AGPAT4: variants seen among roughly 807,000 people sequenced by gnomAD.
AGPAT4 encodes the protein 1-acyl-sn-glycerol-3-phosphate acyltransferase delta.
Under a neutral mutation model 48.0 loss-of-function variants are expected in AGPAT4, and 15 were observed. That is an observed-to-expected ratio of 0.31 (90% confidence interval 0.21 to 0.48). AGPAT4 has a LOEUF of 0.48. AGPAT4 is among the 20% of genes least tolerant of loss of function. The probability of loss-of-function intolerance (pLI) is 0.99; values close to 1 mark genes in which losing one functional copy is unlikely to be tolerated. For synonymous variants in AGPAT4, 178 were observed against 198.7 expected (o/e 0.90, Z 0.88); for missense variants, 314 against 482.5 (o/e 0.65, Z 3.27).
At position 161,246,269 on chromosome 6, in the gene AGPAT4, G is replaced by A. The variant is rs896604863; in HGVS notation, c.-89-13967C>T. On this transcript the variant is annotated intron_variant, in intron 1 of 8. Coordinates refer to ENST00000320285, the MANE Select transcript of AGPAT4 (RefSeq NM_020133.3). The surrounding 1 kb of genome is among the most constrained non-coding windows in gnomAD (Gnocchi z 5.5). ...GTTTAATTCACGCATACATTCATTC[G>A]TCCACTGAGAAGTATATTCATTCAT... Among the ~76,000 whole-genome samples the A allele has an allele frequency of 2.0e-5, 3 of 152,066 alleles. No homozygotes were observed. Among genetic ancestry groups the A allele is most frequent in the Non-Finnish European group, 2.9e-5 (2 of 68,024 alleles).
At chr6:161,136,720 G>T in intron 8 of AGPAT4, 86 bp from the exon 9 acceptor site, 1 of 1,186,642 alleles carries the variant, frequency 8.4e-7, no homozygotes, top group Non-Finnish European at 1.2e-6. Flanking sequence ...AAGGCCCGTG[G>T]CCGCAAATCA....
rs898372605 is a variant in AGPAT4, at chr6:161,165,760, T to G, written c.348+488A>C. The G allele has an allele frequency of 7.0e-6, 5 of 715,136 alleles. No individual in the cohort carries two copies. The highest frequency in any genetic ancestry group is 1.8e-5 in the African/African-American group (1 of 55,650). The allele number at this position is 715,136 out of a possible 1,614,324, so 44.3% of individuals were successfully genotyped here. ...CAGAATTTCAGAATAATTCTGAATT[T>G]TGCAGTTCACTCTCTCACTTATGGA... On this transcript the variant is annotated intron_variant, in intron 3 of 8. Coordinates refer to ENST00000320285, the MANE Select transcript of AGPAT4 (RefSeq NM_020133.3). This position sits in a 1 kb window ranked among gnomAD's most constrained non-coding sequence, Gnocchi z 5.5.
chr6:161,232,231 A>G lies in AGPAT4; in HGVS notation c.-18T>C. The G allele has an allele frequency of 6.2e-7, 1 of 1,607,784 alleles. No individual in the cohort carries two copies. The highest frequency in any genetic ancestry group is 8.5e-7 in the Non-Finnish European group (1 of 1,176,396). Reference sequence around the variant, plus strand: ...AGGTCCATGATGCGTGGACGCTCTTATTCAGAAATAAATAACTACCCACAG... The same window carrying G: ...AGGTCCATGATGCGTGGACGCTCTTGTTCAGAAATAAATAACTACCCACAG... On this transcript the variant is annotated 5_prime_UTR_variant, in exon 2 of 9. Transcript: ENST00000320285. This position sits in a 1 kb window ranked among gnomAD's most constrained non-coding sequence, Gnocchi z 6.8.
chr6:161,264,544 C>T lies in AGPAT4; in HGVS notation c.-90+9394G>A, dbSNP rs1225132763. On this transcript the variant is annotated intron_variant, in intron 1 of 8. Coordinates refer to ENST00000320285, the MANE Select transcript of AGPAT4 (RefSeq NM_020133.3). The surrounding 1 kb of genome is among the most constrained non-coding windows in gnomAD (Gnocchi z 6.8). ...ACTGGGCAGGGGTGGTGAGGTGGTC[C>T]CCCTGGCGTGCCCGCGCATCCCTGC... is the stretch of plus-strand genomic sequence containing the variant. 6.6e-6 allele frequency among the ~76,000 whole-genome samples: 1 copy of T among 152,178 alleles called. No homozygotes were observed. Among genetic ancestry groups the T allele is most frequent in the African/African-American group, 2.4e-5 (1 of 41,442 alleles).
In AGPAT4 at chr6:161,196,603, T is replaced by C. The variant is rs1326596107; in HGVS notation, c.179-30186A>G. 1.3e-5 allele frequency among the ~76,000 whole-genome samples: 2 copies of C among 151,666 alleles called. No individual in the cohort carries two copies. The highest frequency in any genetic ancestry group is 4.8e-5 in the African/African-American group (2 of 41,270). Reference sequence around the variant, plus strand: ...CAGGCGGATCACTTGAGGTCAAGAGTTCGAGACCAGCCTGGCCAACATGGT... The same window carrying C: ...CAGGCGGATCACTTGAGGTCAAGAGCTCGAGACCAGCCTGGCCAACATGGT... On this transcript the variant is annotated intron_variant, in intron 2 of 8. Transcript: ENST00000320285. This position sits in a 1 kb window ranked among gnomAD's most constrained non-coding sequence, Gnocchi z 4.3.
In AGPAT4 at chr6:161,195,577, A is replaced by G. The variant is rs1336162751; in HGVS notation, c.179-29160T>C. ...CACTCAGCAAGCCCATGATGCCTGT[A>G]GTATAAAAGCAAATGTTGCAGAACT... is the stretch of plus-strand genomic sequence containing the variant. On this transcript the variant is annotated intron_variant, in intron 2 of 8. Coordinates refer to ENST00000320285, the MANE Select transcript of AGPAT4 (RefSeq NM_020133.3). The surrounding 1 kb of genome is among the most constrained non-coding windows in gnomAD (Gnocchi z 5.0). 2.0e-5 allele frequency among the ~76,000 whole-genome samples: 3 copies of G among 152,228 alleles called. No homozygotes were observed. The highest frequency in any genetic ancestry group is 7.2e-5 in the African/African-American group (3 of 41,464).
Position 161,255,201 on chromosome 6 carries a change from C to T in AGPAT4, c.-90+18737G>A, listed in dbSNP as rs531606864. Among the ~76,000 whole-genome samples, 16 of 152,284 alleles carry T rather than the reference C, an allele frequency of 1.1e-4. No homozygotes were observed. In the South Asian group the frequency reaches 2.3e-3, roughly 22 times the overall value. On this transcript the variant is annotated intron_variant, in intron 1 of 8. Coordinates refer to ENST00000320285, the MANE Select transcript of AGPAT4 (RefSeq NM_020133.3). This position sits in a 1 kb window ranked among gnomAD's most constrained non-coding sequence, Gnocchi z 4.7. ...CATTAGCTCTATGATAATGGCTTGA[C>T]GTAGGTCCAAAGAGCAAAGGAACTT...
chr6:161,181,267 T>C (rs1384964751), intron 2 of AGPAT4, among the ~76,000 whole-genome samples: 3 of 152,126 alleles, frequency 2.0e-5, no homozygotes, highest in East Asian at 3.9e-4. Flanking sequence ...CAGTCTGGGA[T>C]TGCTGAGGGA....
In AGPAT4 at chr6:161,216,224, G is replaced by A. The variant is rs1019750414; in HGVS notation, c.178+15812C>T. On this transcript the variant is annotated intron_variant, in intron 2 of 8. Transcript: ENST00000320285. The surrounding 1 kb of genome is among the most constrained non-coding windows in gnomAD (Gnocchi z 4.8). ...AGGGTTCTGAACCCACGTTGGGGTT[G>A]GGTGGGAATAACTCAATGGATGACT... Among the ~76,000 whole-genome samples the A allele has an allele frequency of 6.6e-6, 1 of 152,160 alleles. No homozygotes were observed. Among genetic ancestry groups the A allele is most frequent in the African/African-American group, 2.4e-5 (1 of 41,442 alleles).
Position 161,244,336 on chromosome 6 carries a change from A to G in AGPAT4, c.-89-12034T>C, listed in dbSNP as rs1305470203. 6.6e-6 allele frequency among the ~76,000 whole-genome samples: 1 copy of G among 152,238 alleles called. No individual in the cohort carries two copies. Among genetic ancestry groups the G allele is most frequent in the Non-Finnish European group, 1.5e-5 (1 of 68,038 alleles). On this transcript the variant is annotated intron_variant, in intron 1 of 8. Transcript: ENST00000320285. The surrounding 1 kb of genome is among the most constrained non-coding windows in gnomAD (Gnocchi z 4.7). ...CACGTTCCTACATCACCAGCAAATCATGGCACCAAAGAAGACTTTTTAATA... is the reference window on the plus strand; with the variant it reads ...CACGTTCCTACATCACCAGCAAATCGTGGCACCAAAGAAGACTTTTTAATA...
At position 161,201,520 on chromosome 6, in the gene AGPAT4, T is replaced by C. The variant is rs2115010366; in HGVS notation, c.178+30516A>G. On this transcript the variant is annotated intron_variant, in intron 2 of 8. Transcript: ENST00000320285. The surrounding 1 kb of genome is among the most constrained non-coding windows in gnomAD (Gnocchi z 6.0). ...GGCTGTCATCCAAATTTCCCCACCA[T>C]GAGCTCTATCTGCGATGTCCCAGGA... Among the ~76,000 whole-genome samples, 1 of 152,358 alleles carries C rather than the reference T, an allele frequency of 6.6e-6. No homozygotes were observed. Among genetic ancestry groups the C allele is most frequent in the Non-Finnish European group, 1.5e-5 (1 of 68,036 alleles).
At chr6:161,203,712 A>G (rs1225441360) in intron 2 of AGPAT4, among the ~76,000 whole-genome samples, 1 of 152,060 alleles carries the variant, frequency 6.6e-6, no homozygotes, top group Admixed American at 6.6e-5. Flanking sequence ...CTGGGATTAC[A>G]GGTGTGAGCC....
chr6:161,178,370 G>A lies in AGPAT4; in HGVS notation c.179-11953C>T, dbSNP rs1780486011. On this transcript the variant is annotated intron_variant, in intron 2 of 8. Coordinates refer to ENST00000320285, the MANE Select transcript of AGPAT4 (RefSeq NM_020133.3). This position sits in a 1 kb window ranked among gnomAD's most constrained non-coding sequence, Gnocchi z 5.1. ...CCCCGAACCTCGCTGCCGCCTTGCA[G>A]TTCGATCAGACTTCTGTGCTAGCAA... 1.3e-5 allele frequency among the ~76,000 whole-genome samples: 2 copies of A among 152,240 alleles called. No individual in the cohort carries two copies. The highest frequency in any genetic ancestry group is 1.3e-4 in the Admixed American group (2 of 15,286).
chr6:161,262,874 G>A lies in AGPAT4; in HGVS notation c.-90+11064C>T, dbSNP rs1325453320. Among the ~76,000 whole-genome samples the A allele has an allele frequency of 1.3e-5, 2 of 152,120 alleles. No homozygotes were observed. Among genetic ancestry groups the A allele is most frequent in the Non-Finnish European group, 2.9e-5 (2 of 68,024 alleles). The stretch of plus-strand genomic sequence containing the variant: ...AACAGTGCTGATGAAAGATGCCAGC[G>A]AGCCGTGAGAGCTGAGGTGGCCAGT... On this transcript the variant is annotated intron_variant, in intron 1 of 8. Coordinates refer to ENST00000320285, the MANE Select transcript of AGPAT4 (RefSeq NM_020133.3). This position sits in a 1 kb window ranked among gnomAD's most constrained non-coding sequence, Gnocchi z 4.9.
intron 2 of AGPAT4, among the ~76,000 whole-genome samples, chr6:161,173,078 A>C (rs1401820907): frequency 1.3e-5 from 2 of 152,206 alleles, no homozygotes; most frequent in Non-Finnish European, 2.9e-5. Flanking sequence ...AGTCTTTGCT[A>C]TTGTGAATAG....
chr6:161,203,680 G>C (rs1182537329), intron 2 of AGPAT4, among the ~76,000 whole-genome samples: 2 of 152,120 alleles, frequency 1.3e-5, no homozygotes, highest in Non-Finnish European at 2.9e-5. Context: ...TTACAGGCAT[G>C]AGCCACAGCG....
intron 2 of AGPAT4, among the ~76,000 whole-genome samples, chr6:161,213,626 G>A (rs1300109981): frequency 6.6e-6 from 1 of 152,082 alleles, no homozygotes; most frequent in Non-Finnish European, 1.5e-5. Flanking sequence ...AAAAGAAAAT[G>A]ACAACAATCT....
chr6:161,211,599 C>T (rs575137448), intron 2 of AGPAT4, among the ~76,000 whole-genome samples: 3 of 152,078 alleles, frequency 2.0e-5, no homozygotes, highest in South Asian at 4.1e-4. Context: ...ATGTCATGAA[C>T]AGTCTGTGTA....
chr6:161,167,298 T>G (rs1196112857), intron 2 of AGPAT4, among the ~76,000 whole-genome samples: 1 of 152,182 alleles, frequency 6.6e-6, no homozygotes, highest in Non-Finnish European at 1.5e-5. Context: ...TGATCACGGC[T>G]CACTGCAGCC....
Sources: gnomAD v4.1 joint callset for allele counts (sites outside exome capture counted in the v4.1 genomes callset) on GRCh38, gnomAD v4.1.1 for gene constraint, Gnocchi (gnomAD v3.1) non-coding constraint, MANE v1.5 for transcripts, NCBI Gene and HGNC (gene_info 2026-07-23, HGNC 2026-07-21) for gene names.